The following HPSE2 variants were observed in gnomAD, a reference collection of about 807,000 sequenced individuals.
The protein encoded by HPSE2 is heparanase 2 (inactive).
Under a neutral mutation model 60.5 loss-of-function variants are expected in HPSE2, and 38 were observed. The ratio of observed to expected loss-of-function variants is 0.63; its 90% CI spans 0.48 to 0.82. The LOEUF is 0.82. Among genes scored for constraint, HPSE2 ranks in the 40% least tolerant of loss-of-function variants. The probability of loss-of-function intolerance (pLI) is 0.00; values close to 1 mark genes in which losing one functional copy is unlikely to be tolerated. For missense variants in HPSE2, 713 were observed against 740.4 expected (o/e 0.96, Z 0.43); for synonymous variants, 295 against 293.2 (o/e 1.01, Z -0.06).
At chr10:99,174,814 G>GA (rs1188593647) in intron 2 of HPSE2, among the ~76,000 whole-genome samples, 1 of 152,216 alleles carries the variant, frequency 6.6e-6, no homozygotes, top group East Asian at 1.9e-4. Context: ...TTTAAAAGAA[G>GA]AGGGAGAGAA....
chr10:99,140,652 A>G (rs1246464344), intron 3 of HPSE2, among the ~76,000 whole-genome samples: 1 of 152,192 alleles, frequency 6.6e-6, no homozygotes, highest in Non-Finnish European at 1.5e-5. Context: ...CAAAAGTTCA[A>G]TTTATACCTC....
chr10:98,965,920 C>T (rs985288096), intron 3 of HPSE2, among the ~76,000 whole-genome samples: 4 of 151,714 alleles, frequency 2.6e-5, no homozygotes, highest in Non-Finnish European at 5.9e-5. Context: ...GATGGAGCCT[C>T]ACTCTATCAC....
At chr10:98,676,815 T>G (rs1169197730) in intron 6 of HPSE2, among the ~76,000 whole-genome samples, 2 of 152,186 alleles carry the variant, frequency 1.3e-5, no homozygotes, top group Non-Finnish European at 2.9e-5. Flanking sequence ...GTTTTGGATT[T>G]TATTGTGCGT....
Position 98,891,540 on chromosome 10 carries a change from G to A in HPSE2, c.611-147484C>T, listed in dbSNP as rs560263180. On this transcript the variant is annotated intron_variant, in intron 3 of 11. Transcript: ENST00000370552. ...CATGGCTCCCTGTAACATGGAACTC[G>A]TGGAGTCAAGCAATCTTCCCACCTC... is the stretch of plus-strand genomic sequence containing the variant. 3.3e-5 allele frequency among the ~76,000 whole-genome samples: 5 copies of A among 151,992 alleles called. No homozygotes were observed. In the East Asian group the frequency reaches 7.7e-4, roughly 24 times the overall value.
chr10:98,823,312 T>C (rs1482826551), intron 3 of HPSE2, among the ~76,000 whole-genome samples: 4 of 152,150 alleles, frequency 2.6e-5, no homozygotes, highest in Admixed American at 1.3e-4. Flanking sequence ...TGAATATAGA[T>C]GGATTACTAT....
chr10:99,120,187 A>T (rs1218430771), intron 3 of HPSE2, among the ~76,000 whole-genome samples: 1 of 152,198 alleles, frequency 6.6e-6, no homozygotes, highest in Non-Finnish European at 1.5e-5. Context: ...ATATTTGCAA[A>T]CTATGCATCC....
chr10:99,300,861 G>A, the HPSE2 span, among the ~76,000 whole-genome samples: 8 of 152,108 alleles, frequency 5.3e-5, no homozygotes, highest in African/African-American at 1.7e-4. Context: ...TTTGAGACCC[G>A]AGGCTCAGAG....
intron 6 of HPSE2, among the ~76,000 whole-genome samples, chr10:98,654,771 A>AT (rs891706555): frequency 3.3e-5 from 5 of 151,900 alleles, no homozygotes; most frequent in South Asian, 2.1e-4. Flanking sequence ...TTACTTTCTA[A>AT]TTTTTTTTGT....
chr10:99,189,734 T>C (rs1848153810), intron 2 of HPSE2, among the ~76,000 whole-genome samples: 2 of 152,214 alleles, frequency 1.3e-5, no homozygotes, highest in Non-Finnish European at 2.9e-5. Context: ...GTTTTATTCA[T>C]GTAGAATATA....
intron 6 of HPSE2, among the ~76,000 whole-genome samples, chr10:98,663,762 C>A (rs1183193388): frequency 6.6e-6 from 1 of 152,158 alleles, no homozygotes; most frequent in East Asian, 1.9e-4. Flanking sequence ...TGTAGAGGTA[C>A]CACTCAAGAC....
At position 99,132,210 on chromosome 10, in the gene HPSE2, AG is replaced by A. The variant is rs1564833007; in HGVS notation, c.610+12027del. ...GAAAGAAAGAGAGAGAGAGAGAGAG[AG>A]AGAGAGAGAGAGAGAGAGAGAGAGA... On this transcript the variant is annotated intron_variant, in intron 3 of 11. Coordinates refer to ENST00000370552, the MANE Select transcript of HPSE2 (RefSeq NM_021828.5). Among the ~76,000 whole-genome samples the A allele has an allele frequency of 2.0e-3, 57 of 28,952 alleles. 6 individuals carry two copies. Among genetic ancestry groups the A allele is most frequent in the African/African-American group, 3.2e-3 (56 of 17,240 alleles). 19.0% of individuals were successfully genotyped at this position (28,952 alleles called of 152,430 possible). A position where few individuals can be genotyped will look rare whatever the true frequency, so the allele number is the denominator to read the frequency against.
the HPSE2 span, among the ~76,000 whole-genome samples, chr10:99,252,738 G>A: frequency 1.5e-4 from 23 of 152,004 alleles, no homozygotes; most frequent in African/African-American, 4.6e-4. Context: ...TTAGCTGGGC[G>A]TGGTGGCGGG....
chr10:98,505,896 CA>C (rs760098508), intron 9 of HPSE2, among the ~76,000 whole-genome samples: 9 of 151,980 alleles, frequency 5.9e-5, no homozygotes, highest in Non-Finnish European at 1.0e-4. Flanking sequence ...GTACTAATAC[CA>C]CACTGTTTTA....
At chr10:98,497,429 AAT>A (rs950431456) in intron 9 of HPSE2, among the ~76,000 whole-genome samples, 3 of 152,274 alleles carry the variant, frequency 2.0e-5, no homozygotes, top group Admixed American at 1.3e-4. Flanking sequence ...ACTGATAAAC[AAT>A]ATATATAATT....
At chr10:99,243,610 T>G in the HPSE2 span, among the ~76,000 whole-genome samples, 2 of 152,190 alleles carry the variant, frequency 1.3e-5, no homozygotes, top group Admixed American at 1.3e-4. Flanking sequence ...TTAAAGATAA[T>G]TTCTGAGAAA....
At chr10:98,663,106 C>T (rs1947268063) in intron 6 of HPSE2, among the ~76,000 whole-genome samples, 2 of 152,078 alleles carry the variant, frequency 1.3e-5, no homozygotes, top group South Asian at 2.1e-4. Flanking sequence ...AGCCATTCCA[C>T]GAAAACACAA....
chr10:98,838,817 C>T (rs1951850277), intron 3 of HPSE2, among the ~76,000 whole-genome samples: 1 of 152,090 alleles, frequency 6.6e-6, no homozygotes, highest in Admixed American at 6.6e-5. Context: ...TGTCCATTTC[C>T]CCATCTTATC....
chr10:99,043,746 T>C (rs1298666887), intron 3 of HPSE2, among the ~76,000 whole-genome samples: 2 of 152,100 alleles, frequency 1.3e-5, no homozygotes, highest in African/African-American at 2.4e-5. Context: ...AATAGTAGAA[T>C]AGACCAAACT....
upstream of HPSE2, among the ~76,000 whole-genome samples, chr10:99,239,861 A>C (rs1849914222): frequency 6.6e-6 from 1 of 152,208 alleles, no homozygotes; most frequent in Non-Finnish European, 1.5e-5. Context: ...GTCAAAATAA[A>C]GAGCAGTTGT....
Sources: gnomAD v4.1 joint callset for allele counts (sites outside exome capture counted in the v4.1 genomes callset) on GRCh38, gnomAD v4.1.1 for gene constraint, MANE v1.5 for transcripts, NCBI Gene and HGNC (gene_info 2026-07-23, HGNC 2026-07-21) for gene names.